The following SNRNP48 variants were observed in gnomAD, a reference collection of about 807,000 sequenced individuals.
SNRNP48 encodes U11/U12 small nuclear ribonucleoprotein 48 kDa protein.
SNRNP48 carries 43 observed loss-of-function variants against 47.0 expected under a neutral mutation model. That is an observed-to-expected ratio of 0.92 (90% confidence interval 0.72 to 1.18). SNRNP48 has a LOEUF of 1.18. SNRNP48 is among the 50% of genes most tolerant of loss of function. The probability of loss-of-function intolerance (pLI) is 0.00; values close to 1 mark genes in which losing one functional copy is unlikely to be tolerated. For missense variants in SNRNP48, 396 were observed against 422.2 expected, an observed-to-expected ratio of 0.94 and a Z score of 0.54; for synonymous variants, 138 against 144.0, an observed-to-expected ratio of 0.96 and a Z score of 0.30.
chr6:7,596,543 G>A (rs1008934456), intron 4 of SNRNP48, among the ~76,000 whole-genome samples: 5 of 152,248 alleles, frequency 3.3e-5, no homozygotes, highest in Non-Finnish European at 5.9e-5. Context: ...GCCAGTATCT[G>A]GACTTGATTT....
chr6:7,592,913 G>A (rs941581877), intron 1 of SNRNP48, among the ~76,000 whole-genome samples: 5 of 152,166 alleles, frequency 3.3e-5, no homozygotes. Context: ...GGACGTGGGT[G>A]ATGAGGGAGA....
chr6:7,603,830 T>C (rs1760076772), intron 6 of SNRNP48, among the ~76,000 whole-genome samples: 1 of 152,242 alleles, frequency 6.6e-6, no homozygotes, highest in African/African-American at 2.4e-5. Flanking sequence ...GTCCCTAAGA[T>C]ACTTGGCTCA....
At chr6:7,599,392 C>T (rs1759970918) in intron 4 of SNRNP48, among the ~76,000 whole-genome samples, 1 of 152,022 alleles carries the variant, frequency 6.6e-6, no homozygotes, top group South Asian at 2.1e-4. Flanking sequence ...CTGAACAGTA[C>T]ACTGAAAAAA....
intron 1 of SNRNP48, among the ~76,000 whole-genome samples, chr6:7,592,147 C>A (rs1277198429): frequency 6.6e-6 from 1 of 152,108 alleles, no homozygotes; most frequent in Non-Finnish European, 1.5e-5. Flanking sequence ...AAAGTGAATT[C>A]TAAGCTGATA....
Position 7,606,129 on chromosome 6 carries a change from G to T in SNRNP48, c.905G>T (p.Ser302Ile). ...CGACATAGAAGGGATAGGAGTAGAA[G>T]CCCACATAAAAGAAAAAGAAACAAA... ...CSRHRRDRSR[S>I]PHKRKRNKDK... Residue 302 changes from serine (S) to isoleucine (I), a missense_variant, in exon 8 of 9, where the codon AGC becomes ATC. Transcript: ENST00000342415. 1 of 1,613,636 alleles carries T rather than the reference G, an allele frequency of 6.2e-7. No homozygotes were observed. The highest frequency in any genetic ancestry group is 8.5e-7 in the Non-Finnish European group (1 of 1,179,874).
rs186304021 is a variant in SNRNP48, at chr6:7,595,040, A to G, written c.345A>G (p.Gln115=). The G allele has an allele frequency of 3.8e-5, 61 of 1,597,190 alleles. No individual in the cohort carries two copies. In the East Asian group the frequency reaches 7.0e-4, roughly 18 times the overall value. Residue 115 remains glutamine, a synonymous_variant, in exon 4 of 9, where the codon CAA becomes CAG. Transcript: ENST00000342415. ...TTTTTTTGACAGATAAGGACTCACA[A>G]TTCCAGATAATTAAACAAGCTAGAA... ...IPSITLNKDS[Q]FQIIKQARTA...
rs146050206 is a variant in SNRNP48, at chr6:7,611,405, G to A, written c.*2532G>A. On this transcript the variant is annotated 3_prime_UTR_variant, in exon 9 of 9. Coordinates refer to ENST00000342415, the MANE Select transcript of SNRNP48 (RefSeq NM_152551.4). ...AGGATCTCACTATGTTCTCCAGCTG[G>A]TCTCAAGCTCCTGGCCTCGGCCTCC... 1 of 152,220 alleles carries A rather than the reference G, an allele frequency of 6.6e-6. No individual in the cohort carries two copies. Among genetic ancestry groups the A allele is most frequent in the East Asian group, 1.9e-4 (1 of 5,178 alleles). The allele number at this position is 152,220 out of a possible 1,614,324, so 9.4% of individuals were successfully genotyped here.
At chr6:7,603,116 C>CATA (rs1263079418) in intron 6 of SNRNP48, among the ~76,000 whole-genome samples, 1 of 152,030 alleles carries the variant, frequency 6.6e-6, no homozygotes, top group Non-Finnish European at 1.5e-5. Flanking sequence ...GTTTTCTTTT[C>CATA]ATAATAATAA....
At position 7,611,914 on chromosome 6, in the gene SNRNP48, A is replaced by G. The variant is rs1029838214; in HGVS notation, c.*3041A>G. ...TATGTAGCTTGCTTTTTCATTTGCTATAATTGATCCTGCAGGTGTGTGAAT... is the reference window on the plus strand; with the variant it reads ...TATGTAGCTTGCTTTTTCATTTGCTGTAATTGATCCTGCAGGTGTGTGAAT... On this transcript the variant is annotated 3_prime_UTR_variant, in exon 9 of 9. Coordinates refer to ENST00000342415, the MANE Select transcript of SNRNP48 (RefSeq NM_152551.4). 1 of 152,208 alleles carries G rather than the reference A, an allele frequency of 6.6e-6. No individual in the cohort carries two copies. The highest frequency in any genetic ancestry group is 2.4e-5 in the African/African-American group (1 of 41,460). The allele number at this position is 152,208 out of a possible 1,614,324, so 9.4% of individuals were successfully genotyped here. A position where few individuals can be genotyped will look rare whatever the true frequency, so the allele number is the denominator to read the frequency against.
intron 1 of SNRNP48, 139 bp from the exon 2 acceptor site, chr6:7,593,595 T>C (rs1759854228): frequency 2.2e-5 from 10 of 460,456 alleles, no homozygotes; most frequent in Non-Finnish European, 3.4e-5. Flanking sequence ...AATACACAAC[T>C]ACATGGGGGT....
At chr6:7,599,608 T>C (rs1052739864) in intron 4 of SNRNP48, 6 of 975,080 alleles carry the variant, frequency 6.2e-6, no homozygotes, top group Non-Finnish European at 8.3e-6. Context: ...GTCAGAAATA[T>C]CTATGTTCCG....
chr6:7,606,056 G>C lies in SNRNP48; in HGVS notation c.832G>C (p.Val278Leu), dbSNP rs768589712. The C allele has an allele frequency of 1.2e-6, 2 of 1,606,886 alleles. No homozygotes were observed. The highest frequency in any genetic ancestry group is 3.5e-5 in the Admixed American group (2 of 57,552). ...EKNEERRSAS[V>L]DSRQSGGSYL... ...GAATGAAGAAAGGCGATCAGCTTCAGTAGATTCACGGCAGTCTGGTGGAAG... is the reference window on the plus strand; with the variant it reads ...GAATGAAGAAAGGCGATCAGCTTCACTAGATTCACGGCAGTCTGGTGGAAG... The change falls in exon 8 of 9, where the codon GTA becomes CTA. Residue 278 changes from valine (V) to leucine (L), a missense_variant. Val to Leu is a conservative substitution (Grantham distance 32). Transcript: ENST00000342415.
At chr6:7,594,029 A>G (rs956183723) in intron 2 of SNRNP48, 70 bp from the exon 3 acceptor site, 35 of 1,050,132 alleles carry the variant, frequency 3.3e-5, no homozygotes, top group Admixed American at 9.1e-5. Flanking sequence ...ATACTAATCT[A>G]TTGTTTAGGT....
At chr6:7,603,101 T>A (rs1289791217) in intron 6 of SNRNP48, among the ~76,000 whole-genome samples, 1 of 152,206 alleles carries the variant, frequency 6.6e-6, no homozygotes, top group Non-Finnish European at 1.5e-5. Flanking sequence ...CTTTTTAGAT[T>A]GAATGTTTTC....
At chr6:7,602,474 G>A (rs1019553583) in intron 5 of SNRNP48, 149 bp from the exon 6 acceptor site, 25 of 566,006 alleles carry the variant, frequency 4.4e-5, no homozygotes, top group Middle Eastern at 5.0e-4. Context: ...AACTTAGCCC[G>A]TGTATATAAA....
chr6:7,595,994 T>C (rs1581834371), intron 4 of SNRNP48, among the ~76,000 whole-genome samples: 1 of 152,166 alleles, frequency 6.6e-6, no homozygotes, highest in East Asian at 1.9e-4. Flanking sequence ...CCAGACACGG[T>C]GGCTCATGCC....
intron 8 of SNRNP48, 103 bp from the exon 9 acceptor site, chr6:7,608,722 A>ATATTACTGTTGAAAGTGGTG (rs141993061): frequency 0.059 from 28,012 of 474,146 alleles, 1,341 homozygotes; most frequent in Non-Finnish European, 0.073. Context: ...TTAAAGTAGC[A>ATATTACTGTTGAAAGTGGTG]TATTACTGTT....
At chr6:7,594,799 G>C in intron 3 of SNRNP48, among the ~76,000 whole-genome samples, 1 of 152,170 alleles carries the variant, frequency 6.6e-6, no homozygotes, top group East Asian at 1.9e-4. Context: ...CTACTGCTGC[G>C]TGCCTAATTA....
chr6:7,591,415 A>C (rs1375661479), intron 1 of SNRNP48, among the ~76,000 whole-genome samples: 1 of 152,176 alleles, frequency 6.6e-6, no homozygotes, highest in Non-Finnish European at 1.5e-5. Context: ...CTTTACTATT[A>C]CTTCTGGGTT....
Sources: allele counts gnomAD v4.1 joint callset (sites outside exome capture counted in the v4.1 genomes callset), GRCh38; gene constraint gnomAD v4.1.1; transcripts MANE v1.5; gene names NCBI Gene and HGNC (gene_info 2026-07-23, HGNC 2026-07-21).